Variants in INTS6 observed in about 807,000 individuals in gnomAD.
INTS6 encodes the protein DEAD box protein.
A neutral mutation model predicts 104.9 loss-of-function variants in INTS6; 16 were observed. That is an observed-to-expected ratio of 0.15 (90% CI 0.10 to 0.23). INTS6 has a LOEUF of 0.23. INTS6 is among the 10% of genes least tolerant of loss of function. The probability of loss-of-function intolerance (pLI) is 1.00; values close to 1 mark genes in which losing one functional copy is unlikely to be tolerated. For synonymous variants in INTS6, 324 were observed against 358.7 expected (o/e 0.90, Z 1.09); for missense variants, 584 against 1,062.8 (o/e 0.55, Z 6.26).
rs777839526 is a variant in INTS6 at position 51,361,932 on chromosome 13, CA to C, written c.*3819del. ...TTTTGACAGGATTCAGATAATTTAT[CA>C]GTGTCTCTCTAGCAACAAGGGCTCA... On this transcript the variant is annotated 3_prime_UTR_variant, in exon 18 of 18. Transcript: ENST00000311234. 7 of 1,611,726 alleles carry C rather than the reference CA, an allele frequency of 4.3e-6. 1 individual carries two copies. In the South Asian group the frequency reaches 6.6e-5, roughly 15 times the overall value.
chr13:51,398,955 G>T (rs546571496), intron 4 of INTS6, among the ~76,000 whole-genome samples: 1 of 152,064 alleles, frequency 6.6e-6, no homozygotes, highest in Admixed American at 6.5e-5. Flanking sequence ...TATCCAGAAA[G>T]CACAGCCTAA....
intron 5 of INTS6, among the ~76,000 whole-genome samples, chr13:51,392,778 T>C (rs1256848081): frequency 6.6e-6 from 1 of 152,142 alleles, no homozygotes; most frequent in East Asian, 1.9e-4. Flanking sequence ...CATTTATTTA[T>C]TTTCCATGAT....
chr13:51,354,838 A>G (rs1293689486), intron 3 of INTS6, among the ~76,000 whole-genome samples: 2 of 152,236 alleles, frequency 1.3e-5, no homozygotes, highest in Non-Finnish European at 2.9e-5. Context: ...TAGAATGAAC[A>G]GCAGGAACAA....
Position 51,383,776 on chromosome 13 carries a change from G to A in INTS6, c.895-35C>T, listed in dbSNP as rs1396061328. The A allele has an allele frequency of 2.0e-6, 3 of 1,518,472 alleles. No individual in the cohort carries two copies. The African/African-American group carries it at 4.2e-5, about 21-fold the overall frequency. The allele number at this position is 1,518,472 out of a possible 1,614,324, so 94.1% of individuals were successfully genotyped here. A position where few individuals can be genotyped will look rare whatever the true frequency, so the allele number is the denominator to read the frequency against. Reference sequence around the variant, plus strand: ...AAAGTCTTGTAATTACTACTTACATGAAATTTCAGAAACAAAACTAAATAT... The same window carrying A: ...AAAGTCTTGTAATTACTACTTACATAAAATTTCAGAAACAAAACTAAATAT... On this transcript the variant is annotated intron_variant, in intron 7 of 17. Transcript: ENST00000311234.
At chr13:51,407,970 T>A (rs1311837661) in intron 4 of INTS6, among the ~76,000 whole-genome samples, 2 of 146,968 alleles carry the variant, frequency 1.4e-5, no homozygotes, top group Admixed American at 1.4e-4. Context: ...TGAGCCAAGA[T>A]CGTGCCACTG....
At chr13:51,405,987 A>T (rs1173165573) in intron 4 of INTS6, among the ~76,000 whole-genome samples, 2 of 152,180 alleles carry the variant, frequency 1.3e-5, no homozygotes, top group Non-Finnish European at 2.9e-5. Flanking sequence ...CAGCATTCAA[A>T]ACTACTTCCC....
At chr13:51,406,915 T>TA (rs1956579556) in intron 4 of INTS6, among the ~76,000 whole-genome samples, 1 of 150,712 alleles carries the variant, frequency 6.6e-6, no homozygotes, top group South Asian at 2.1e-4. Flanking sequence ...TTTTTTTTTT[T>TA]AGCTCATCAG....
At chr13:51,449,624 A>G (rs1449841324) in intron 3 of INTS6, 10 of 985,272 alleles carry the variant, frequency 1.0e-5, no homozygotes, top group East Asian at 1.1e-4. Context: ...AGGTAACCAA[A>G]TAATGGCAAG....
At chr13:51,395,515 A>G in intron 4 of INTS6, 32 bp from the exon 5 acceptor site, 1 of 1,575,506 alleles carries the variant, frequency 6.3e-7, no homozygotes, top group Non-Finnish European at 8.6e-7. Flanking sequence ...AGTAATAAGA[A>G]TTCCACAGAC....
chr13:51,439,591 C>T (rs2138134722), intron 3 of INTS6: 1 of 152,278 alleles, frequency 6.6e-6, no homozygotes, highest in African/African-American at 2.4e-5. Flanking sequence ...ATATATTTTA[C>T]ACTTGACTTT....
intron 4 of INTS6, among the ~76,000 whole-genome samples, chr13:51,419,470 C>T (rs1956856583): frequency 6.6e-6 from 1 of 152,132 alleles, no homozygotes; most frequent in South Asian, 2.1e-4. Context: ...ACATACAGTT[C>T]TCCCAAACTC....
chr13:51,401,869 T>TA (rs1346675236), intron 4 of INTS6, among the ~76,000 whole-genome samples: 4 of 152,190 alleles, frequency 2.6e-5, no homozygotes, highest in African/African-American at 7.2e-5. Context: ...TCTGCATTTT[T>TA]AAAAAATCAA....
intron 4 of INTS6, among the ~76,000 whole-genome samples, chr13:51,420,055 T>C (rs1956866922): frequency 1.3e-5 from 2 of 152,180 alleles, no homozygotes; most frequent in Non-Finnish European, 1.5e-5. Flanking sequence ...CTATACAGGC[T>C]GAAAAACCTA....
intron 5 of INTS6, 60 bp downstream of exon 5, chr13:51,395,240 T>C: frequency 6.8e-7 from 1 of 1,476,736 alleles, no homozygotes; most frequent in Non-Finnish European, 9.1e-7. Flanking sequence ...ATGTACACTT[T>C]TAAAACATTC....
chr13:51,358,352 A>G (rs965997765), downstream of INTS6, among the ~76,000 whole-genome samples: 3 of 152,168 alleles, frequency 2.0e-5, no homozygotes, highest in African/African-American at 7.2e-5. Flanking sequence ...TGAGGATGAA[A>G]TGTTGGGACA....
chr13:51,379,143 TTTC>T (rs925521207), intron 11 of INTS6, among the ~76,000 whole-genome samples: 11 of 151,980 alleles, frequency 7.2e-5, no homozygotes, highest in Non-Finnish European at 1.3e-4. Flanking sequence ...GAGTTTTTTT[TTTC>T]TTTTTTAAGG....
At chr13:51,412,243 T>C (rs527392196) in intron 4 of INTS6, among the ~76,000 whole-genome samples, 18 of 152,330 alleles carry the variant, frequency 1.2e-4, no homozygotes, top group African/African-American at 3.6e-4. Context: ...TACTTAACAT[T>C]TGTCAGAATT....
In INTS6 at chr13:51,383,569, C is replaced by T. The variant is rs755447094; in HGVS notation, c.1047+20G>A. The T allele has an allele frequency of 6.2e-7, 1 of 1,611,496 alleles. No individual in the cohort carries two copies. Among genetic ancestry groups the T allele is most frequent in the South Asian group, 1.1e-5 (1 of 90,640 alleles). Reference sequence around the variant, plus strand: ...ATGCCTCATTTAAATTTTGGGGTCACTGTAAGTTGTTCAGCTTACCTGCCA... The same window carrying T: ...ATGCCTCATTTAAATTTTGGGGTCATTGTAAGTTGTTCAGCTTACCTGCCA... On this transcript the variant is annotated intron_variant, in intron 8 of 17. Transcript: ENST00000311234.
Position 51,376,076 on chromosome 13 carries a change from A to G in INTS6, c.1701T>C (p.Thr567=), listed in dbSNP as rs201151754. ...TRMRSNLLKS[T]RRFLKGQDED... ...CGTCCTGTCCTTTCAGAAATCTGCG[A>G]GTGCTCTTCAAAAGATTAGATCTCA... is the stretch of plus-strand genomic sequence containing the variant. Residue 567 remains threonine, a synonymous_variant, in exon 13 of 18, where the codon ACT becomes ACC. Transcript: ENST00000311234. 19 of 1,611,366 alleles carry G rather than the reference A, an allele frequency of 1.2e-5. No homozygotes were observed. The African/African-American group carries it at 2.3e-4, about 19-fold the overall frequency.
Sources: allele counts gnomAD v4.1 joint callset (sites outside exome capture counted in the v4.1 genomes callset), GRCh38; gene constraint gnomAD v4.1.1; transcripts MANE v1.5; gene names NCBI Gene and HGNC (gene_info 2026-07-23, HGNC 2026-07-21).